INTS8: variants seen among roughly 807,000 people sequenced by gnomAD.
INTS8 encodes the protein protein kaonashi-1.
A neutral mutation model predicts 138.9 loss-of-function variants in INTS8; 47 were observed. The ratio of observed to expected loss-of-function variants is 0.34; its 90% CI spans 0.27 to 0.43. The LOEUF (loss-of-function observed/expected upper bound fraction) is 0.43. Ranked by LOEUF, INTS8 falls within the 20% of genes least tolerant of loss-of-function variation. INTS8 has a pLI of 1.00. For missense variants in INTS8, 996 were observed against 1,173.0 expected (o/e 0.85, Z 2.20); for synonymous variants, 392 against 400.9 (o/e 0.98, Z 0.27).
chr8:94,881,111 A>G lies in INTS8; in HGVS notation c.*877A>G, dbSNP rs1285716597. On this transcript the variant is annotated 3_prime_UTR_variant, in exon 27 of 27. Coordinates refer to ENST00000523731, the MANE Select transcript of INTS8 (RefSeq NM_017864.4). Reference sequence around the variant, plus strand: ...TTTATAATAGCTTGCTATAGCAGCTATAGATAAATTAGTCACCTTATTACA... The same window carrying G: ...TTTATAATAGCTTGCTATAGCAGCTGTAGATAAATTAGTCACCTTATTACA... 1.0e-5 allele frequency: 4 copies of G among 396,732 alleles called. No individual in the cohort carries two copies. The highest frequency in any genetic ancestry group is 1.8e-5 in the Non-Finnish European group (4 of 225,128). 24.6% of individuals were successfully genotyped at this position (396,732 alleles called of 1,614,324 possible). A position where few individuals can be genotyped will look rare whatever the true frequency, so the allele number is the denominator to read the frequency against.
intron 22 of INTS8, chr8:94,873,718 A>G: frequency 2.5e-6 from 1 of 403,808 alleles, no homozygotes; most frequent in Non-Finnish European, 4.5e-6. Flanking sequence ...TGTCTTTACC[A>G]TAAAGTAATA....
intron 22 of INTS8, 46 bp from the exon 23 acceptor site, chr8:94,874,506 C>A: frequency 9.5e-7 from 1 of 1,053,792 alleles, no homozygotes; most frequent in African/African-American, 1.6e-5. Flanking sequence ...TTGTTAGAAT[C>A]CATGTTAGCT....
chr8:94,849,855 ATTGT>A, intron 11 of INTS8, 57 bp from the exon 12 acceptor site: 1 of 1,262,866 alleles, frequency 7.9e-7, no homozygotes, highest in Non-Finnish European at 1.1e-6. Flanking sequence ...GGTTGATATG[ATTGT>A]TTTTCTCAAA....
chr8:94,876,579 G>T, intron 26 of INTS8, 90 bp downstream of exon 26: 2 of 751,796 alleles, frequency 2.7e-6, no homozygotes, highest in Non-Finnish European at 4.2e-6. Flanking sequence ...TAGATTTTGT[G>T]TACCTAGTTA....
intron 16 of INTS8, among the ~76,000 whole-genome samples, chr8:94,864,309 G>A (rs973657215): frequency 2.0e-5 from 3 of 152,104 alleles, no homozygotes; most frequent in Non-Finnish European, 2.9e-5. Context: ...TCCATTTTAA[G>A]TAGAAACCAG....
chr8:94,841,508 C>A lies in INTS8; in HGVS notation c.1035C>A (p.Phe345Leu), dbSNP rs1245428775. 7.5e-6 allele frequency: 12 copies of A among 1,596,702 alleles called. No individual in the cohort carries two copies. Among genetic ancestry groups the A allele is most frequent in the East Asian group, 2.2e-5 (1 of 44,620 alleles). ...TGTTCTAGGAGGTAATACAGATTTT[C>A]ATTGAAGACAACTTAACCTTGAGTT... ...SGNYQEVIQI[F>L]IEDNLTLSLP... Residue 345 changes from phenylalanine (F) to leucine (L), a missense_variant, in exon 9 of 27, where the codon TTC becomes TTA. Transcript: ENST00000523731.
At chr8:94,848,366 C>T (rs146206051) in intron 10 of INTS8, among the ~76,000 whole-genome samples, 11 of 152,070 alleles carry the variant, frequency 7.2e-5, no homozygotes, top group Non-Finnish European at 1.3e-4. Flanking sequence ...ATACAGTTCA[C>T]GCATTTAAAG....
At chr8:94,874,214 C>T (rs1432809823) in intron 22 of INTS8, among the ~76,000 whole-genome samples, 1 of 148,536 alleles carries the variant, frequency 6.7e-6, no homozygotes, top group Non-Finnish European at 1.5e-5. Flanking sequence ...CCCATTTCCT[C>T]CCCATTCCTG....
chr8:94,880,228 C>T lies in INTS8; in HGVS notation c.2982C>T (p.Tyr994=), dbSNP rs781608112. The stretch of plus-strand genomic sequence containing the variant: ...TTCTCCAAGCAATGGCAAAACTTTA[C>T]TTTTAAGCAGTTAAATTTTTTTAAC... ...KKFLQAMAKL[Y]F Residue 994 remains tyrosine, a synonymous_variant, in exon 27 of 27, where the codon TAC becomes TAT. Coordinates refer to ENST00000523731, the MANE Select transcript of INTS8 (RefSeq NM_017864.4). 9.1e-5 allele frequency: 143 copies of T among 1,572,646 alleles called. No homozygotes were observed. The highest frequency in any genetic ancestry group is 1.2e-4 in the Non-Finnish European group (139 of 1,154,828).
chr8:94,845,115 C>T (rs921808357), intron 10 of INTS8, among the ~76,000 whole-genome samples: 29 of 151,980 alleles, frequency 1.9e-4, no homozygotes, highest in Non-Finnish European at 2.9e-5. Flanking sequence ...GATTTTTTTC[C>T]GTTGTAGTGA....
At chr8:94,851,220 T>G (rs1586497430) in intron 12 of INTS8, among the ~76,000 whole-genome samples, 1 of 147,278 alleles carries the variant, frequency 6.8e-6, no homozygotes, top group South Asian at 2.1e-4. Context: ...TCAAAAGTAG[T>G]GTATAAGTTG....
intron 13 of INTS8, among the ~76,000 whole-genome samples, chr8:94,853,055 T>C (rs1442182022): frequency 6.6e-6 from 1 of 152,096 alleles, no homozygotes; most frequent in African/African-American, 2.4e-5. Flanking sequence ...TCATTGCCTG[T>C]AATCCCAGCA....
intron 16 of INTS8, 96 bp downstream of exon 16, chr8:94,859,728 A>G (rs1815883248): frequency 2.1e-6 from 2 of 961,926 alleles, no homozygotes; most frequent in Admixed American, 4.8e-5. Context: ...AATTTCTGTG[A>G]TACAAATGAT....
At chr8:94,865,397 A>G in intron 16 of INTS8, 109 bp from the exon 17 acceptor site, 1 of 812,180 alleles carries the variant, frequency 1.2e-6, no homozygotes, top group East Asian at 2.6e-5. Context: ...AACTGTGCTT[A>G]GTATGTTTGG....
rs1815875799 is a variant in INTS8 at position 94,859,531 on chromosome 8, A to G, written c.1975A>G (p.Ile659Val). The G allele has an allele frequency of 2.5e-6, 4 of 1,613,024 alleles. No homozygotes were observed. The South Asian group carries it at 3.3e-5, about 13-fold the overall frequency. The change falls in exon 16 of 27, where the codon ATA (isoleucine) becomes GTA (valine). Residue 659 changes from isoleucine to valine, a missense_variant. Physicochemically the swap from Ile to Val is conservative, Grantham distance 29. Transcript: ENST00000523731. ...TTTAGATATTCCTCTTCGTCAAGTT[A>G]TAGCTGAGGAATGTGTTGCCTTTAT... ...RLPDIPLRQV[I>V]AEECVAFMLN...
intron 10 of INTS8, among the ~76,000 whole-genome samples, chr8:94,844,088 T>A (rs1815241340): frequency 6.6e-6 from 1 of 151,674 alleles, no homozygotes; most frequent in Admixed American, 6.6e-5. Context: ...GGCCAGGCTT[T>A]AGTGCAGTGG....
intron 16 of INTS8, 59 bp from the exon 17 acceptor site, chr8:94,865,447 G>A: frequency 7.3e-7 from 1 of 1,374,880 alleles, no homozygotes; most frequent in South Asian, 1.3e-5. Context: ...CTTGATAATA[G>A]AACTAATGTG....
rs775086485 is a variant in INTS8, at chr8:94,823,349, C to T, written c.-83C>T. ...GGGTGGCCTCTCTCCCACCGGGTTC[C>T]GCATACCCCAGGCACCGGCCCGCAT... On this transcript the variant is annotated 5_prime_UTR_variant, in exon 1 of 27. Coordinates refer to ENST00000523731, the MANE Select transcript of INTS8 (RefSeq NM_017864.4). The T allele has an allele frequency of 5.2e-5, 78 of 1,508,072 alleles. No individual in the cohort carries two copies. The highest frequency in any genetic ancestry group is 6.4e-5 in the Non-Finnish European group (73 of 1,132,134). The allele number at this position is 1,508,072 out of a possible 1,614,324, so 93.4% of individuals were successfully genotyped here.
rs796052157 is a variant in INTS8, at chr8:94,827,759, A to G, written c.484A>G (p.Lys162Glu). 1.2e-6 allele frequency: 2 copies of G among 1,614,186 alleles called. No individual in the cohort carries two copies. Among genetic ancestry groups the G allele is most frequent in the East Asian group, 2.2e-5 (1 of 44,888 alleles). ...RTIVQSSFPV[K>E]QAKPGPPQLS... ...AATTGTTCAAAGTAGTTTTCCAGTC[A>G]AACAGGCAAAACCCGGACCCCCTCA... The change falls in exon 4 of 27, where the codon AAA becomes GAA. Residue 162 changes from lysine (K) to glutamate (E), a missense_variant. Coordinates refer to ENST00000523731, the MANE Select transcript of INTS8 (RefSeq NM_017864.4).
Sources: gnomAD v4.1 joint callset for allele counts (sites outside exome capture counted in the v4.1 genomes callset) on GRCh38, gnomAD v4.1.1 for gene constraint, MANE v1.5 for transcripts, NCBI Gene and HGNC (gene_info 2026-07-23, HGNC 2026-07-21) for gene names.